PPFIBP1: variants seen among roughly 807,000 people sequenced by gnomAD.
PPFIBP1 encodes PPFIB scaffold protein 1.
Under a neutral mutation model 137.8 loss-of-function variants are expected in PPFIBP1, and 112 were observed. The ratio of observed to expected loss-of-function variants is 0.81; its 90% CI spans 0.70 to 0.95. The LOEUF (loss-of-function observed/expected upper bound fraction) is 0.95. Ranked by LOEUF, PPFIBP1 falls within the 40% of genes least tolerant of loss-of-function variation. PPFIBP1 has a pLI of 0.00. For missense variants in PPFIBP1, 1,083 were observed against 1,196.6 expected, an observed-to-expected ratio of 0.91 and a Z score of 1.40; for synonymous variants, 378 against 417.3, an observed-to-expected ratio of 0.91 and a Z score of 1.15.
At chr12:27,591,838 T>A (rs925181386) in intron 2 of PPFIBP1, among the ~76,000 whole-genome samples, 1 of 152,162 alleles carries the variant, frequency 6.6e-6, no homozygotes, top group Admixed American at 6.5e-5. Flanking sequence ...CTGGGGAATA[T>A]CAGAACTGCT....
Position 27,600,066 on chromosome 12 carries a change from T to C in PPFIBP1, c.-36+21827T>C, listed in dbSNP as rs531478408. The stretch of plus-strand genomic sequence containing the variant: ...CTGTGTAAGAGGTTAACGTTAGTGG[T>C]GTAAGCTGAGAGGTATATGCATACC... On this transcript the variant is annotated intron_variant, in intron 2 of 29. Coordinates refer to ENST00000228425, the MANE Select transcript of PPFIBP1 (RefSeq NM_003622.4). Among the ~76,000 whole-genome samples the C allele has an allele frequency of 2.0e-5, 3 of 152,312 alleles. No homozygotes were observed. In the South Asian group the frequency reaches 6.2e-4, roughly 32 times the overall value.
At chr12:27,562,376 A>G (rs896114690) in intron 1 of PPFIBP1, among the ~76,000 whole-genome samples, 3 of 152,222 alleles carry the variant, frequency 2.0e-5, no homozygotes, top group Non-Finnish European at 2.9e-5. Flanking sequence ...GCTTTGCATT[A>G]TATCAGGACT....
chr12:27,664,284 T>G, intron 11 of PPFIBP1, 78 bp from the exon 12 acceptor site: 1 of 927,702 alleles, frequency 1.1e-6, no homozygotes, highest in Non-Finnish European at 1.7e-6. Context: ...ATTACTATTC[T>G]TTATGCAATT....
At chr12:27,583,396 G>A (rs1469482302) in intron 2 of PPFIBP1, among the ~76,000 whole-genome samples, 4 of 152,186 alleles carry the variant, frequency 2.6e-5, no homozygotes, top group Non-Finnish European at 5.9e-5. Context: ...TTTCTACCAA[G>A]AGAAATGTGA....
At chr12:27,550,779 G>GT (rs1158195145) in intron 1 of PPFIBP1, among the ~76,000 whole-genome samples, 2 of 152,026 alleles carry the variant, frequency 1.3e-5, no homozygotes, top group Non-Finnish European at 2.9e-5. Flanking sequence ...AAAGTTTGTG[G>GT]TTTTTTCCCT....
chr12:27,669,240 G>A (rs2060037054), intron 13 of PPFIBP1, among the ~76,000 whole-genome samples: 1 of 152,178 alleles, frequency 6.6e-6, no homozygotes, highest in Admixed American at 6.5e-5. Context: ...TTAAATGTAG[G>A]AGAGGGCTGA....
chr12:27,583,112 G>A (rs530307755), intron 2 of PPFIBP1, among the ~76,000 whole-genome samples: 14 of 152,276 alleles, frequency 9.2e-5, no homozygotes, highest in Admixed American at 4.6e-4. Context: ...CTCTATTTTG[G>A]ATGTAACTTT....
intron 2 of PPFIBP1, among the ~76,000 whole-genome samples, chr12:27,618,995 C>T (rs2056064901): frequency 6.6e-6 from 1 of 152,128 alleles, no homozygotes; most frequent in South Asian, 2.1e-4. Flanking sequence ...ACCAGTGGTT[C>T]CATATGGTAC....
At chr12:27,622,377 C>T (rs1170729817) in intron 2 of PPFIBP1, among the ~76,000 whole-genome samples, 2 of 152,110 alleles carry the variant, frequency 1.3e-5, no homozygotes, top group Non-Finnish European at 1.5e-5. Context: ...ATTGAGTTGC[C>T]AGCAGAATTA....
intron 2 of PPFIBP1, among the ~76,000 whole-genome samples, chr12:27,598,644 A>C (rs1286153023): frequency 6.6e-6 from 1 of 152,164 alleles, no homozygotes; most frequent in Non-Finnish European, 1.5e-5. Flanking sequence ...TGCTCTAGAA[A>C]AATATATGAT....
At chr12:27,538,764 C>T (rs1592319660) in intron 1 of PPFIBP1, among the ~76,000 whole-genome samples, 2 of 152,176 alleles carry the variant, frequency 1.3e-5, no homozygotes, top group East Asian at 3.8e-4. Flanking sequence ...CTAAGCTTGG[C>T]CTCCTACCTG....
At chr12:27,634,672 A>G (rs897858124) in intron 3 of PPFIBP1, among the ~76,000 whole-genome samples, 1 of 152,128 alleles carries the variant, frequency 6.6e-6, no homozygotes, top group East Asian at 1.9e-4. Context: ...TTTTCTTTCT[A>G]TACCCCATGA....
At chr12:27,594,697 G>GA (rs2137436887) in intron 2 of PPFIBP1, among the ~76,000 whole-genome samples, 1 of 152,232 alleles carries the variant, frequency 6.6e-6, no homozygotes, top group East Asian at 1.9e-4. Context: ...TATAAAATTG[G>GA]AAAAATGTAG....
intron 12 of PPFIBP1, among the ~76,000 whole-genome samples, 185 bp downstream of exon 12, chr12:27,664,631 C>T (rs150244112): frequency 4.0e-4 from 60 of 151,640 alleles, no homozygotes; most frequent in African/African-American, 1.4e-3. Context: ...AGTGAGTGTA[C>T]TGTAGAGTCA....
At chr12:27,686,233 A>C (rs1417836426) in intron 24 of PPFIBP1, among the ~76,000 whole-genome samples, 1 of 152,152 alleles carries the variant, frequency 6.6e-6, no homozygotes, top group African/African-American at 2.4e-5. Flanking sequence ...ATTTTTATTA[A>C]ATATTTCTGT....
At chr12:27,587,091 G>A (rs2051853851) in intron 2 of PPFIBP1, among the ~76,000 whole-genome samples, 1 of 152,130 alleles carries the variant, frequency 6.6e-6, no homozygotes, top group Non-Finnish European at 1.5e-5. Context: ...ATGCTAGTCT[G>A]CTTTCAACTG....
intron 3 of PPFIBP1, among the ~76,000 whole-genome samples, chr12:27,633,833 ATCTTT>A (rs1179368050): frequency 3.4e-3 from 280 of 81,700 alleles, no homozygotes; most frequent in African/African-American, 0.011. Context: ...TGACTCCCGT[ATCTTT>A]TTTTTTTTTT....
chr12:27,541,266 AAAAAAAAAT>A (rs1945631811), intron 1 of PPFIBP1, among the ~76,000 whole-genome samples: 1 of 151,972 alleles, frequency 6.6e-6, no homozygotes, highest in Non-Finnish European at 1.5e-5. Context: ...AGAGAGAGAA[AAAAAAAAAT>A]AGAGAAAGTT....
chr12:27,667,991 G>A (rs2059964786), intron 13 of PPFIBP1, among the ~76,000 whole-genome samples: 1 of 152,136 alleles, frequency 6.6e-6, no homozygotes, highest in African/African-American at 2.4e-5. Context: ...CCAGATACAA[G>A]GAGAGGAAAC....
Sources: gnomAD v4.1 joint callset for allele counts (sites outside exome capture counted in the v4.1 genomes callset) on GRCh38, gnomAD v4.1.1 for gene constraint, MANE v1.5 for transcripts, NCBI Gene and HGNC (gene_info 2026-07-23, HGNC 2026-07-21) for gene names.